CNIH3: variants seen among roughly 807,000 people sequenced by gnomAD.
CNIH3 encodes protein cornichon homolog 3.
In CNIH3, 14 loss-of-function variants were observed where a neutral mutation model predicts 24.1. That is an observed-to-expected ratio of 0.58 (90% CI 0.38 to 0.91). The LOEUF (loss-of-function observed/expected upper bound fraction) is 0.91, where lower values mean the gene tolerates loss of function less well. Ranked by LOEUF, CNIH3 falls within the 40% of genes least tolerant of loss-of-function variation. The probability of loss-of-function intolerance (pLI) is 0.00; values close to 1 mark genes in which losing one functional copy is unlikely to be tolerated. For missense variants in CNIH3, 178 were observed against 196.8 expected, an observed-to-expected ratio of 0.90 and a Z score of 0.57; for synonymous variants, 68 against 73.8, an observed-to-expected ratio of 0.92 and a Z score of 0.40.
Position 224,689,457 on chromosome 1 carries a change from G to C in CNIH3, c.198+4614G>C, listed in dbSNP as rs554035186. On this transcript the variant is annotated intron_variant, in intron 3 of 5. Coordinates refer to ENST00000272133, the MANE Select transcript of CNIH3 (RefSeq NM_152495.2). ...TTAGCATCCCCTCCCATTTTCTTAG[G>C]TTAGTGCCGTTTAGTGTTTGAGCAG... Among the ~76,000 whole-genome samples the C allele has an allele frequency of 2.2e-4, 33 of 152,270 alleles. 1 individual carries two copies. Among genetic ancestry groups the C allele is most frequent in the Non-Finnish European group, 4.6e-4 (31 of 68,026 alleles).
At chr1:224,735,282 G>C (rs962500780) in intron 5 of CNIH3, among the ~76,000 whole-genome samples, 3 of 152,206 alleles carry the variant, frequency 2.0e-5, no homozygotes, top group Non-Finnish European at 4.4e-5. Flanking sequence ...TTGCAGTCCT[G>C]TTTCAGGAGT....
chr1:224,597,787 T>C (rs1682048604), intron 3 of CNIH3, among the ~76,000 whole-genome samples: 1 of 152,188 alleles, frequency 6.6e-6, no homozygotes, highest in Non-Finnish European at 1.5e-5. Context: ...AGCAAATTAA[T>C]CTACCCCAAG....
At chr1:224,566,061 T>G (rs1558165812) in intron 3 of CNIH3, 1 of 152,092 alleles carries the variant, frequency 6.6e-6, no homozygotes, top group African/African-American at 2.4e-5. Flanking sequence ...TCCCCATTGC[T>G]TTAATTAACT....
Position 224,678,254 on chromosome 1 carries a change from T to A in CNIH3, c.82-2704T>A, listed in dbSNP as rs556251845. Reference sequence around the variant, plus strand: ...TGTGCAGAATGAGGTGGACTGAGTTTAACTGAAGCACATGAAAAGACCTAG... The same window carrying A: ...TGTGCAGAATGAGGTGGACTGAGTTAAACTGAAGCACATGAAAAGACCTAG... On this transcript the variant is annotated intron_variant, in intron 1 of 5. Transcript: ENST00000272133. Among the ~76,000 whole-genome samples the A allele has an allele frequency of 3.3e-5, 5 of 152,314 alleles. No individual in the cohort carries two copies. In the South Asian group the frequency reaches 1.0e-3, roughly 32 times the overall value.
intron 2 of CNIH3, among the ~76,000 whole-genome samples, chr1:224,533,395 A>G (rs2124934737): frequency 6.6e-6 from 1 of 152,102 alleles, no homozygotes; most frequent in South Asian, 2.1e-4. Flanking sequence ...CTCAAAAAAA[A>G]AAAAAAAAAA....
intron 2 of CNIH3, among the ~76,000 whole-genome samples, chr1:224,535,143 A>T (rs938688159): frequency 2.0e-5 from 3 of 152,262 alleles, no homozygotes; most frequent in African/African-American, 7.2e-5. Context: ...AGGTGAGGTC[A>T]TTAGGGCAGG....
chr1:224,548,218 G>A (rs1558149611), intron 3 of CNIH3, among the ~76,000 whole-genome samples: 1 of 152,006 alleles, frequency 6.6e-6, no homozygotes, highest in Non-Finnish European at 1.5e-5. Context: ...TGTACACCCT[G>A]TGATATTATA....
intron 4 of CNIH3, among the ~76,000 whole-genome samples, chr1:224,573,880 A>G (rs1206845926): frequency 2.6e-5 from 4 of 152,132 alleles, no homozygotes; most frequent in African/African-American, 9.7e-5. Flanking sequence ...AGTTCCTTCC[A>G]TCTTTTTTTG....
chr1:224,701,384 G>A (rs1687481318), intron 3 of CNIH3, among the ~76,000 whole-genome samples: 1 of 152,122 alleles, frequency 6.6e-6, no homozygotes, highest in Non-Finnish European at 1.5e-5. Flanking sequence ...AGCATCTGTA[G>A]AGGGCCACTT....
downstream of CNIH3, chr1:224,537,077 A>G (rs1679315546): frequency 1.3e-5 from 2 of 152,230 alleles, no homozygotes; most frequent in East Asian, 1.9e-4. Flanking sequence ...CCTGCCTCCC[A>G]TTTAATTGCT....
At chr1:224,651,258 TG>T (rs1168399671) in intron 1 of CNIH3, among the ~76,000 whole-genome samples, 1 of 152,174 alleles carries the variant, frequency 6.6e-6, no homozygotes, top group Non-Finnish European at 1.5e-5. Context: ...TTCCTGATTA[TG>T]GGAAAAAACA....
intron 4 of CNIH3, among the ~76,000 whole-genome samples, chr1:224,581,512 A>G (rs1339505209): frequency 6.6e-6 from 1 of 152,206 alleles, no homozygotes; most frequent in African/African-American, 2.4e-5. Flanking sequence ...ACAAATAATA[A>G]TCAGACACAT....
At chr1:224,732,238 C>T (rs1171451849) in intron 4 of CNIH3, among the ~76,000 whole-genome samples, 4 of 152,090 alleles carry the variant, frequency 2.6e-5, no homozygotes, top group African/African-American at 7.2e-5. Context: ...CTGGATAAGC[C>T]TTGGCCCATA....
intron 1 of CNIH3, among the ~76,000 whole-genome samples, chr1:224,481,240 C>T (rs1429504672): frequency 6.6e-6 from 1 of 152,208 alleles, no homozygotes; most frequent in African/African-American, 2.4e-5. Flanking sequence ...AGTTACCTTC[C>T]ACCAGGTCCC....
At chr1:224,710,857 G>T (rs1391479983) in intron 3 of CNIH3, among the ~76,000 whole-genome samples, 1 of 152,284 alleles carries the variant, frequency 6.6e-6, no homozygotes, top group Non-Finnish European at 1.5e-5. Flanking sequence ...CTAAAGAAAT[G>T]ATCTCTGCCC....
intron 3 of CNIH3, among the ~76,000 whole-genome samples, chr1:224,690,775 G>T (rs1418750295): frequency 6.6e-6 from 1 of 152,172 alleles, no homozygotes; most frequent in Admixed American, 6.5e-5. Context: ...AGGGTGTGTG[G>T]GTAGGCTTTG....
Position 224,508,161 on chromosome 1 carries a change from G to A in CNIH3, n.204-7580G>A, listed in dbSNP as rs147158304. ...TAAATTTATAAAATAGAAGCTAGGT[G>A]GCTTGAGATAAAACATGTCCTTCTC... On this transcript the variant is annotated intron_variant and non_coding_transcript_variant, in intron 1 of 5. Transcript: ENST00000471578. 2.3e-3 allele frequency among the ~76,000 whole-genome samples: 351 copies of A among 152,340 alleles called. 11 individuals are homozygous for A. The highest frequency in any genetic ancestry group is 0.02 in the Admixed American group (301 of 15,300).
At chr1:224,628,709 C>T (rs1456449637) in intron 1 of CNIH3, among the ~76,000 whole-genome samples, 2 of 152,028 alleles carry the variant, frequency 1.3e-5, no homozygotes, top group Admixed American at 6.5e-5. Context: ...CCTCCCTGGC[C>T]AGGGCACTCG....
chr1:224,617,506 C>T (rs1197614083), intron 1 of CNIH3, among the ~76,000 whole-genome samples: 1 of 152,166 alleles, frequency 6.6e-6, no homozygotes, highest in Admixed American at 6.5e-5. Flanking sequence ...CGTCCCGGGT[C>T]CCGGGCGCCG....
Sources: allele counts gnomAD v4.1 joint callset (sites outside exome capture counted in the v4.1 genomes callset), GRCh38; gene constraint gnomAD v4.1.1; transcripts MANE v1.5; gene names NCBI Gene and HGNC (gene_info 2026-07-23, HGNC 2026-07-21).